The following SERINC5 variants were observed in gnomAD, a reference collection of about 807,000 sequenced individuals.
The protein encoded by SERINC5 is chromosome 5 open reading frame 12.
In SERINC5, 41 loss-of-function variants were observed where a neutral mutation model predicts 63.1. That is an observed-to-expected ratio of 0.65 (90% CI 0.51 to 0.84). The LOEUF (loss-of-function observed/expected upper bound fraction) is 0.84. SERINC5 is among the 40% of genes least tolerant of loss of function. The pLI is 0.00. For missense variants in SERINC5, 523 were observed against 573.0 expected (o/e 0.91, Z 0.89); for synonymous variants, 222 against 215.2 (o/e 1.03, Z -0.28).
downstream of SERINC5, among the ~76,000 whole-genome samples, chr5:80,135,229 T>TC (rs1745112645): frequency 6.6e-6 from 1 of 152,172 alleles, no homozygotes; most frequent in South Asian, 2.1e-4. Flanking sequence ...AGACGGGGTT[T>TC]CACCATATTG....
At chr5:80,207,973 C>G (rs1750252235) in intron 1 of SERINC5, among the ~76,000 whole-genome samples, 1 of 152,102 alleles carries the variant, frequency 6.6e-6, no homozygotes, top group Non-Finnish European at 1.5e-5. Flanking sequence ...CACATCCAGC[C>G]CCTGCCACCT....
chr5:80,140,305 CAAAAAAAAAAA>C lies in SERINC5; in HGVS notation c.*3347_*3357del, dbSNP rs55718546. On this transcript the variant is annotated 3_prime_UTR_variant, in exon 12 of 12. Coordinates refer to ENST00000507668, the MANE Select transcript of SERINC5 (RefSeq NM_001174072.3). ...GTGGCTGACAGAGTGAGCCCGTCTC[CAAAAAAAAAAA>C]AAAAAAAAAAAAAAAAGGCTTAGGG... The C allele has an allele frequency of 3.9e-3, 1,841 of 478,094 alleles. 33 individuals are homozygous for C. In the African/African-American group the frequency reaches 0.062, roughly 16 times the overall value. 29.6% of individuals were successfully genotyped at this position (478,094 alleles called of 1,614,324 possible). A position where few individuals can be genotyped will look rare whatever the true frequency, so the allele number is the denominator to read the frequency against.
At chr5:80,204,872 C>G (rs1245644776) in intron 1 of SERINC5, among the ~76,000 whole-genome samples, 5 of 152,158 alleles carry the variant, frequency 3.3e-5, no homozygotes, top group African/African-American at 1.2e-4. Flanking sequence ...TGGGGAAAAA[C>G]AAAACTGCAG....
chr5:80,129,545 G>A (rs771415305), intron 11 of SERINC5, among the ~76,000 whole-genome samples: 6 of 152,142 alleles, frequency 3.9e-5, no homozygotes, highest in Admixed American at 6.6e-5. Context: ...CTGGCCTCAC[G>A]TGATCCTCCC....
chr5:80,183,031 A>G (rs1748554046), intron 2 of SERINC5, among the ~76,000 whole-genome samples: 1 of 152,150 alleles, frequency 6.6e-6, no homozygotes, highest in Non-Finnish European at 1.5e-5. Context: ...TCCTGTAAGC[A>G]AGGGGAAAAG....
chr5:80,214,570 A>C (rs1750580382), intron 1 of SERINC5, among the ~76,000 whole-genome samples: 1 of 151,088 alleles, frequency 6.6e-6, no homozygotes, highest in African/African-American at 2.4e-5. Context: ...CAAAAAAAAA[A>C]CGAACAAAAA....
At chr5:80,214,118 A>G (rs1034429876) in intron 1 of SERINC5, among the ~76,000 whole-genome samples, 6 of 152,238 alleles carry the variant, frequency 3.9e-5, no homozygotes, top group Non-Finnish European at 8.8e-5. Flanking sequence ...AAATGATTAT[A>G]TAGGTTATAC....
intron 8 of SERINC5, chr5:80,157,416 T>G (rs1746610215): frequency 6.6e-6 from 1 of 151,940 alleles, no homozygotes; most frequent in African/African-American, 2.4e-5. Flanking sequence ...TAGGCTGGAG[T>G]GGAGACACCC....
At chr5:80,170,241 T>A (rs1224123661) in intron 5 of SERINC5, among the ~76,000 whole-genome samples, 1 of 152,184 alleles carries the variant, frequency 6.6e-6, no homozygotes, top group Non-Finnish European at 1.5e-5. Flanking sequence ...TGTAACAGAC[T>A]GCAATTCCAT....
chr5:80,251,290 GCATACATACATACATACATACATA>G (rs201874043), intron 1 of SERINC5, among the ~76,000 whole-genome samples: 4 of 98,592 alleles, frequency 4.1e-5, no homozygotes, highest in South Asian at 2.7e-4. Flanking sequence ...ATACATACAT[GCATACATACATACATACATACATA>G]CATACATACA....
intron 1 of SERINC5, among the ~76,000 whole-genome samples, chr5:80,225,002 G>A (rs1207256386): frequency 2.7e-5 from 4 of 150,616 alleles, no homozygotes; most frequent in African/African-American, 4.9e-5. Context: ...GTGCAATGGC[G>A]TGATCTTGGC....
chr5:80,118,734 T>A (rs1437834690), intron 11 of SERINC5, among the ~76,000 whole-genome samples: 1 of 149,274 alleles, frequency 6.7e-6, no homozygotes, highest in Non-Finnish European at 1.5e-5. Context: ...TTTTTTTTTT[T>A]TGTAGAGATG....
chr5:80,238,991 A>C (rs1410691044), intron 1 of SERINC5, among the ~76,000 whole-genome samples: 6 of 152,192 alleles, frequency 3.9e-5, no homozygotes, highest in Non-Finnish European at 8.8e-5. Context: ...AAAATAGCAA[A>C]GGCTAGGAGA....
At chr5:80,249,854 T>C (rs1468600640) in intron 1 of SERINC5, among the ~76,000 whole-genome samples, 2 of 152,050 alleles carry the variant, frequency 1.3e-5, no homozygotes, top group East Asian at 1.9e-4. Context: ...TAACTGACTA[T>C]AAAGCATCAA....
At chr5:80,252,032 G>T (rs551039531) in intron 1 of SERINC5, among the ~76,000 whole-genome samples, 2 of 150,402 alleles carry the variant, frequency 1.3e-5, no homozygotes, top group Non-Finnish European at 2.9e-5. Context: ...CTCTGACAGT[G>T]AGCACTGTCA....
Position 80,195,068 on chromosome 5 carries a change from C to A in SERINC5, c.195+7818G>T, listed in dbSNP as rs187312489. Among the ~76,000 whole-genome samples the A allele has an allele frequency of 4.2e-3, 636 of 152,204 alleles. 8 individuals carry two copies. The highest frequency in any genetic ancestry group is 0.014 in the African/African-American group (567 of 41,524). On this transcript the variant is annotated intron_variant, in intron 2 of 11. Transcript: ENST00000507668. The stretch of plus-strand genomic sequence containing the variant: ...TTGGGAGGCGGAGGCAGGTGGATCA[C>A]CTGAGGTCAGGAGTTCGAGACCAGC...
intron 1 of SERINC5, chr5:80,203,270 ATG>A: frequency 2.5e-5 from 5 of 200,948 alleles, no homozygotes; most frequent in Non-Finnish European, 3.0e-5. Context: ...ATATATATAT[ATG>A]TGTATATATA....
intron 2 of SERINC5, among the ~76,000 whole-genome samples, chr5:80,190,764 T>C (rs1749132783): frequency 6.6e-6 from 1 of 152,204 alleles, no homozygotes. Context: ...ACCAAACCTA[T>C]AACCTCAAGA....
At chr5:80,252,080 T>G in intron 1 of SERINC5, among the ~76,000 whole-genome samples, 1 of 94,244 alleles carries the variant, frequency 1.1e-5, no homozygotes, top group Non-Finnish European at 2.2e-5. Context: ...TTTTTTTTTT[T>G]GAGACAGCGT....
Sources: allele counts gnomAD v4.1 joint callset (sites outside exome capture counted in the v4.1 genomes callset), GRCh38; gene constraint gnomAD v4.1.1; transcripts MANE v1.5; gene names NCBI Gene and HGNC (gene_info 2026-07-23, HGNC 2026-07-21).